KHDRBS2: variants seen among roughly 807,000 people sequenced by gnomAD.
KHDRBS2 encodes KH domain-containing, RNA-binding, signal transduction-associated protein 2.
Under a neutral mutation model 44.3 loss-of-function variants are expected in KHDRBS2, and 26 were observed. The observed-to-expected ratio is 0.59, with a 90% CI of 0.43 to 0.81. The LOEUF (loss-of-function observed/expected upper bound fraction) is 0.81. Among genes scored for constraint, KHDRBS2 ranks in the 40% least tolerant of loss-of-function variants. The pLI is 0.00. For missense variants in KHDRBS2, 476 were observed against 433.1 expected (o/e 1.10, Z -0.88); for synonymous variants, 194 against 151.1 (o/e 1.28, Z -2.08).
the KHDRBS2 span, among the ~76,000 whole-genome samples, chr6:61,593,650 T>C: frequency 9.0e-6 from 1 of 111,612 alleles, no homozygotes; most frequent in African/African-American, 3.4e-5. Context: ...TATAGATTAT[T>C]TTTAAGTTAG....
intron 6 of KHDRBS2, among the ~76,000 whole-genome samples, chr6:61,823,861 G>C (rs1484693699): frequency 6.6e-6 from 1 of 152,082 alleles, no homozygotes; most frequent in Non-Finnish European, 1.5e-5. Context: ...AGTAAAACAT[G>C]TATATGAGTC....
the KHDRBS2 span, among the ~76,000 whole-genome samples, chr6:61,608,759 G>A: frequency 2.7e-3 from 412 of 152,222 alleles, 2 homozygotes; most frequent in African/African-American, 9.5e-3. Flanking sequence ...CCCTGAAAAG[G>A]ACATGAACTC....
intron 4 of KHDRBS2, among the ~76,000 whole-genome samples, chr6:61,959,430 T>C (rs1295583490): frequency 6.6e-6 from 1 of 152,176 alleles, no homozygotes; most frequent in Non-Finnish European, 1.5e-5. Context: ...TGTAGACCAG[T>C]TCTGAAATGT....
intron 6 of KHDRBS2, among the ~76,000 whole-genome samples, chr6:61,881,788 A>G (rs1244345391): frequency 6.6e-6 from 1 of 152,014 alleles, no homozygotes; most frequent in Non-Finnish European, 1.5e-5. Flanking sequence ...CTAAGGCACC[A>G]ACAAATTGAA....
chr6:62,248,370 AT>A (rs543515336), intron 1 of KHDRBS2, among the ~76,000 whole-genome samples: 3 of 149,946 alleles, frequency 2.0e-5, no homozygotes, highest in South Asian at 2.1e-4. Context: ...TTATTTTTTC[AT>A]TTTTTTTAAC....
rs745594660 is a variant in KHDRBS2 at position 61,754,007 on chromosome 6, G to T, written c.811-21243C>A. 1.2e-4 allele frequency among the ~76,000 whole-genome samples: 18 copies of T among 152,054 alleles called. 1 individual carries two copies. The highest frequency in any genetic ancestry group is 1.9e-4 in the Non-Finnish European group (13 of 67,990). ...TGCTGACAGCCACCAGAAGCTGGAA[G>T]AAACAAGGAAGGATTCTCCCCCAGA... On this transcript the variant is annotated intron_variant, in intron 6 of 8. Transcript: ENST00000281156.
intron 5 of KHDRBS2, among the ~76,000 whole-genome samples, chr6:61,899,750 T>A (rs1392286160): frequency 7.2e-6 from 1 of 138,550 alleles, no homozygotes; most frequent in Non-Finnish European, 1.6e-5. Flanking sequence ...CCCCGCATTT[T>A]AAGGCATACA....
the KHDRBS2 span, among the ~76,000 whole-genome samples, chr6:61,546,273 ATATT>A: frequency 2.0e-5 from 3 of 151,890 alleles, no homozygotes; most frequent in Non-Finnish European, 4.4e-5. Context: ...ATATTATAAA[ATATT>A]TATGAAATAG....
At chr6:62,119,225 TA>T (rs1479340330) in intron 2 of KHDRBS2, among the ~76,000 whole-genome samples, 2 of 152,146 alleles carry the variant, frequency 1.3e-5, no homozygotes, top group Admixed American at 6.5e-5. Flanking sequence ...TATGCAAAAT[TA>T]ATGCACTTGA....
At chr6:61,658,058 A>G in the KHDRBS2 span, among the ~76,000 whole-genome samples, 1 of 151,978 alleles carries the variant, frequency 6.6e-6, no homozygotes, top group East Asian at 1.9e-4. Flanking sequence ...TATATTATGC[A>G]TAGGCTAGTC....
At chr6:62,160,131 C>A (rs1817314634) in intron 2 of KHDRBS2, among the ~76,000 whole-genome samples, 1 of 152,128 alleles carries the variant, frequency 6.6e-6, no homozygotes, top group South Asian at 2.1e-4. Flanking sequence ...TACATTCTGA[C>A]ATGAGGAGAC....
chr6:61,562,592 C>T, the KHDRBS2 span, among the ~76,000 whole-genome samples: 2 of 152,050 alleles, frequency 1.3e-5, no homozygotes, highest in African/African-American at 4.8e-5. Context: ...GGCCTTTTGT[C>T]AGTACTATGG....
At chr6:61,566,559 A>G in the KHDRBS2 span, among the ~76,000 whole-genome samples, 1 of 152,156 alleles carries the variant, frequency 6.6e-6, no homozygotes, top group Non-Finnish European at 1.5e-5. Flanking sequence ...CATAATGAAT[A>G]CCTTCCCAAG....
chr6:62,265,849 A>C (rs551394728), intron 1 of KHDRBS2, among the ~76,000 whole-genome samples: 1 of 152,190 alleles, frequency 6.6e-6, no homozygotes, highest in East Asian at 1.9e-4. Flanking sequence ...GAATACAAAC[A>C]TACTATTTGA....
chr6:61,756,921 C>T (rs1232392539), intron 6 of KHDRBS2, among the ~76,000 whole-genome samples: 1 of 152,188 alleles, frequency 6.6e-6, no homozygotes, highest in Non-Finnish European at 1.5e-5. Flanking sequence ...TTTGCTACTA[C>T]AGATTAGTTT....
At chr6:61,943,453 A>G (rs1812560994) in intron 4 of KHDRBS2, among the ~76,000 whole-genome samples, 1 of 152,164 alleles carries the variant, frequency 6.6e-6, no homozygotes, top group Non-Finnish European at 1.5e-5. Context: ...ACAACGAGCA[A>G]TATGACAGAA....
intron 1 of KHDRBS2, among the ~76,000 whole-genome samples, chr6:62,261,460 T>C (rs1222615078): frequency 5.9e-5 from 9 of 151,872 alleles, no homozygotes; most frequent in Non-Finnish European, 7.4e-5. Flanking sequence ...GCTAAAATAA[T>C]ACCAAAAAGC....
intron 6 of KHDRBS2, among the ~76,000 whole-genome samples, chr6:61,888,653 C>T (rs976046395): frequency 7.3e-5 from 11 of 151,272 alleles, no homozygotes; most frequent in African/African-American, 2.2e-4. Flanking sequence ...GCTCCGCCTC[C>T]CGGGTTCAAG....
chr6:61,990,487 C>T (rs900427108), intron 3 of KHDRBS2, among the ~76,000 whole-genome samples: 4 of 152,042 alleles, frequency 2.6e-5, no homozygotes, highest in African/African-American at 9.7e-5. Flanking sequence ...ATTAAAATCT[C>T]TGAACATGAA....
Sources: allele counts gnomAD v4.1 joint callset (sites outside exome capture counted in the v4.1 genomes callset), GRCh38; gene constraint gnomAD v4.1.1; transcripts MANE v1.5; gene names NCBI Gene and HGNC (gene_info 2026-07-23, HGNC 2026-07-21).